ADAM22: variants seen among roughly 807,000 people sequenced by gnomAD.
ADAM22 encodes the protein ADAM metallopeptidase domain 22.
A neutral mutation model predicts 144.6 loss-of-function variants in ADAM22; 65 were observed. The observed-to-expected ratio is 0.45, with a 90% confidence interval of 0.37 to 0.55. The LOEUF (loss-of-function observed/expected upper bound fraction) is 0.55. Among genes scored for constraint, ADAM22 ranks in the 20% least tolerant of loss-of-function variants. The probability of loss-of-function intolerance (pLI) is 0.00; values close to 1 mark genes in which losing one functional copy is unlikely to be tolerated. For synonymous variants in ADAM22, 391 were observed against 412.6 expected (o/e 0.95, Z 0.63); for missense variants, 974 against 1,184.9 (o/e 0.82, Z 2.61).
intron 26 of ADAM22, among the ~76,000 whole-genome samples, chr7:88,175,363 G>C (rs1282688920): frequency 1.3e-5 from 2 of 152,142 alleles, no homozygotes; most frequent in Non-Finnish European, 2.9e-5. Flanking sequence ...CTCCCCCAGA[G>C]TCATTAAGTT....
intron 5 of ADAM22, among the ~76,000 whole-genome samples, chr7:88,113,703 A>AATGTATATAT (rs1554478727): frequency 1.9e-4 from 9 of 48,108 alleles, no homozygotes; most frequent in African/African-American, 7.2e-4. Flanking sequence ...TAAATAAATA[A>AATGTATATAT]ATATATATAT....
intron 2 of ADAM22, among the ~76,000 whole-genome samples, chr7:87,954,521 C>G (rs1846137072): frequency 6.6e-6 from 1 of 152,190 alleles, no homozygotes; most frequent in Admixed American, 6.5e-5. Flanking sequence ...TGCTGTTAGT[C>G]TGATGGGCTT....
At chr7:88,117,470 GTCGC>G (rs992444053) in intron 7 of ADAM22, among the ~76,000 whole-genome samples, 36 of 152,312 alleles carry the variant, frequency 2.4e-4, no homozygotes, top group African/African-American at 8.2e-4. Flanking sequence ...TGCTTTGAGA[GTCGC>G]TTCCAAGTCT....
chr7:88,048,964 T>G (rs1022875666), intron 3 of ADAM22, among the ~76,000 whole-genome samples: 2 of 152,202 alleles, frequency 1.3e-5, no homozygotes, highest in African/African-American at 4.8e-5. Flanking sequence ...ATTTTCAGTT[T>G]TGGCTTTGGT....
At chr7:88,193,773 C>G (rs778277503) in intron 31 of ADAM22, among the ~76,000 whole-genome samples, 21 of 152,312 alleles carry the variant, frequency 1.4e-4, no homozygotes, top group African/African-American at 4.8e-4. Context: ...AGCTTATAAG[C>G]CTCGGCAGCT....
At chr7:88,089,619 T>A (rs903039429) in intron 4 of ADAM22, among the ~76,000 whole-genome samples, 1 of 152,330 alleles carries the variant, frequency 6.6e-6, no homozygotes, top group Non-Finnish European at 1.5e-5. Context: ...GAATTCTCAC[T>A]TCAGTAGCTT....
intron 4 of ADAM22, among the ~76,000 whole-genome samples, chr7:88,093,486 A>G (rs111329891): frequency 4.6e-5 from 7 of 152,216 alleles, no homozygotes; most frequent in African/African-American, 1.7e-4. Context: ...AGGATAATTG[A>G]TCAGTGCTAC....
chr7:87,936,463 A>T (rs924813427), intron 2 of ADAM22, among the ~76,000 whole-genome samples: 1 of 152,164 alleles, frequency 6.6e-6, no homozygotes, highest in Non-Finnish European at 1.5e-5. Context: ...ATTTCTGTGG[A>T]AGGATATTTT....
At chr7:88,113,697 TAAATAA>T (rs1468340759) in intron 5 of ADAM22, among the ~76,000 whole-genome samples, 43 of 64,308 alleles carry the variant, frequency 6.7e-4, no homozygotes, top group African/African-American at 2.7e-3. Context: ...TATAAATAAA[TAAATAA>T]ATATATATAT....
At chr7:88,169,164 A>G (rs1843640939) in intron 25 of ADAM22, among the ~76,000 whole-genome samples, 1 of 152,148 alleles carries the variant, frequency 6.6e-6, no homozygotes, top group Non-Finnish European at 1.5e-5. Context: ...CAAAACCATC[A>G]AAGAGTTTCT....
chr7:88,140,969 G>A (rs747396608), intron 14 of ADAM22, among the ~76,000 whole-genome samples: 1 of 152,172 alleles, frequency 6.6e-6, no homozygotes, highest in South Asian at 2.1e-4. Context: ...GGAGGTGGAG[G>A]GGGGAGAGGG....
At chr7:88,001,950 T>A (rs1792664641) in intron 3 of ADAM22, among the ~76,000 whole-genome samples, 2 of 152,030 alleles carry the variant, frequency 1.3e-5, no homozygotes, top group African/African-American at 4.8e-5. Flanking sequence ...TGCTGTGTCA[T>A]CTCTCTGGAG....
At chr7:88,141,805 T>C (rs1486843325) in intron 14 of ADAM22, among the ~76,000 whole-genome samples, 1 of 152,194 alleles carries the variant, frequency 6.6e-6, no homozygotes, top group East Asian at 1.9e-4. Flanking sequence ...TTCTTACTGT[T>C]GAACATTTAG....
chr7:88,181,479 C>A (rs1847008929), intron 27 of ADAM22, 26 bp from the exon 28 acceptor site: 1 of 1,594,506 alleles, frequency 6.3e-7, no homozygotes. Context: ...CATTTTTGAA[C>A]AATTTATCAA....
At chr7:88,086,699 A>G (rs556525643) in intron 4 of ADAM22, among the ~76,000 whole-genome samples, 1 of 152,350 alleles carries the variant, frequency 6.6e-6, no homozygotes, top group South Asian at 2.1e-4. Context: ...CCTTGGGAAT[A>G]CAACTTTAAT....
intron 3 of ADAM22, among the ~76,000 whole-genome samples, chr7:88,028,867 A>G (rs1799609434): frequency 6.6e-6 from 1 of 151,948 alleles, no homozygotes; most frequent in South Asian, 2.1e-4. Context: ...ATCTTTTTCC[A>G]TCCTTTTATT....
intron 3 of ADAM22, among the ~76,000 whole-genome samples, chr7:88,041,684 G>T (rs991138632): frequency 2.6e-5 from 4 of 151,920 alleles, no homozygotes; most frequent in Non-Finnish European, 4.4e-5. Context: ...AATTTAACAT[G>T]CTTTTTTCCC....
chr7:88,123,981 T>C (rs949036544), intron 7 of ADAM22, among the ~76,000 whole-genome samples: 1 of 152,038 alleles, frequency 6.6e-6, no homozygotes, highest in African/African-American at 2.4e-5. Flanking sequence ...AAATACTCTG[T>C]GTCATTTCAT....
At chr7:87,987,611 C>A (rs1208620533) in intron 3 of ADAM22, among the ~76,000 whole-genome samples, 1 of 152,168 alleles carries the variant, frequency 6.6e-6, no homozygotes, top group Non-Finnish European at 1.5e-5. Flanking sequence ...TATGATATGG[C>A]TGTTAAACTA....
Sources: gnomAD v4.1 joint callset for allele counts (sites outside exome capture counted in the v4.1 genomes callset) on GRCh38, gnomAD v4.1.1 for gene constraint, MANE v1.5 for transcripts, NCBI Gene and HGNC (gene_info 2026-07-23, HGNC 2026-07-21) for gene names.